The following ANKRD30BL variants were observed in gnomAD, a reference collection of about 807,000 sequenced individuals.
ANKRD30BL encodes putative ankyrin repeat domain-containing protein 30B-like.
A neutral mutation model predicts 18.4 loss-of-function variants in ANKRD30BL; 20 were observed. The observed-to-expected ratio is 1.09, with a 90% confidence interval of 0.77 to 1.58. The LOEUF is 1.58. Among genes scored for constraint, ANKRD30BL ranks in the 40% most tolerant of loss-of-function variants. The pLI is 0.00. For synonymous variants in ANKRD30BL, 72 were observed against 100.9 expected (o/e 0.71, Z 1.72); for missense variants, 224 against 268.6 (o/e 0.83, Z 1.16).
chr2:132,227,406 C>A (rs1679875964), intron 1 of ANKRD30BL, among the ~76,000 whole-genome samples: 1 of 152,000 alleles, frequency 6.6e-6, no homozygotes, highest in Non-Finnish European at 1.5e-5. Flanking sequence ...GAAGCATTCT[C>A]AGAAACTTCT....
rs1306986319 is a variant in ANKRD30BL, at chr2:132,237,606, A to G, written n.441+19923T>C. On this transcript the variant is annotated intron_variant and non_coding_transcript_variant, in intron 1 of 4. Coordinates refer to the ANKRD30BL transcript ENST00000470729. ...GACAGCTTTGAGGCCTTCGCTGGAA[A>G]CGGGTATGTCTTCACATAAAAACTA... Among the ~76,000 whole-genome samples the G allele has an allele frequency of 2.8e-4, 43 of 152,082 alleles. 1 individual carries two copies. Among genetic ancestry groups the G allele is most frequent in the Non-Finnish European group, 1.5e-5 (1 of 68,032 alleles).
chr2:132,195,735 G>A (rs1193554173), intron 1 of ANKRD30BL, among the ~76,000 whole-genome samples: 2 of 142,768 alleles, frequency 1.4e-5, no homozygotes, highest in African/African-American at 2.6e-5. Flanking sequence ...ACTTTGTAGT[G>A]AGCCAAGATG....
At chr2:132,171,931 G>A (rs1688291070) in intron 1 of ANKRD30BL, among the ~76,000 whole-genome samples, 1 of 152,174 alleles carries the variant, frequency 6.6e-6, no homozygotes, top group East Asian at 1.9e-4. Flanking sequence ...TCTATGATTT[G>A]CTTATTCTAA....
At chr2:132,221,333 C>A (rs1242161211) in intron 1 of ANKRD30BL, among the ~76,000 whole-genome samples, 3 of 147,258 alleles carry the variant, frequency 2.0e-5, no homozygotes, top group African/African-American at 5.2e-5. Context: ...GGGGTCAGCC[C>A]CCCGCCCGGC....
intron 1 of ANKRD30BL, among the ~76,000 whole-genome samples, chr2:132,224,353 T>C (rs1238433406): frequency 1.3e-5 from 2 of 152,144 alleles, no homozygotes; most frequent in African/African-American, 2.4e-5. Flanking sequence ...CTTTGTGATG[T>C]TCGCATTCCA....
intron 1 of ANKRD30BL, among the ~76,000 whole-genome samples, chr2:132,203,737 G>C (rs1037717976): frequency 6.6e-6 from 1 of 151,888 alleles, no homozygotes; most frequent in African/African-American, 2.4e-5. Flanking sequence ...TAAAAATAAA[G>C]GAAAACCGAT....
At chr2:132,223,932 C>T (rs963043232) in intron 1 of ANKRD30BL, among the ~76,000 whole-genome samples, 1 of 152,166 alleles carries the variant, frequency 6.6e-6, no homozygotes, top group African/African-American at 2.4e-5. Context: ...ATTTGGAACG[C>T]TTTGAGGCCT....
intron 1 of ANKRD30BL, among the ~76,000 whole-genome samples, chr2:132,221,231 G>T (rs1467338107): frequency 4.8e-5 from 7 of 146,372 alleles, no homozygotes; most frequent in East Asian, 4.1e-4. Context: ...CGCCCCGTCC[G>T]GGAGGTGAGG....
intron 1 of ANKRD30BL, among the ~76,000 whole-genome samples, chr2:132,212,684 G>A (rs555877863): frequency 1.3e-5 from 2 of 151,884 alleles, no homozygotes; most frequent in African/African-American, 4.8e-5. Context: ...TCTTTGTGAT[G>A]GGTGCATTCA....
At chr2:132,249,648 C>A (rs1481336114) in intron 1 of ANKRD30BL, among the ~76,000 whole-genome samples, 1 of 152,100 alleles carries the variant, frequency 6.6e-6, no homozygotes, top group Non-Finnish European at 1.5e-5. Context: ...GAAGATATTT[C>A]CTTTTTCACC....
At chr2:132,242,367 T>C (rs1175724093) in intron 1 of ANKRD30BL, among the ~76,000 whole-genome samples, 1 of 151,428 alleles carries the variant, frequency 6.6e-6, no homozygotes, top group African/African-American at 2.4e-5. Context: ...AACGGGAATA[T>C]CTTCAAATAA....
chr2:132,254,872 T>C (rs1680778388), intron 1 of ANKRD30BL, among the ~76,000 whole-genome samples: 1 of 152,194 alleles, frequency 6.6e-6, no homozygotes. Flanking sequence ...ACTAAGGCCA[T>C]GCACCACCAC....
intron 1 of ANKRD30BL, among the ~76,000 whole-genome samples, chr2:132,237,102 A>C (rs1680170222): frequency 6.6e-6 from 1 of 151,324 alleles, no homozygotes; most frequent in Non-Finnish European, 1.5e-5. Context: ...AGGAAGGGGA[A>C]CATCATACTC....
chr2:132,240,896 C>T (rs1488806425), intron 1 of ANKRD30BL, among the ~76,000 whole-genome samples: 3 of 151,932 alleles, frequency 2.0e-5, no homozygotes. Context: ...ACTCAACTGT[C>T]AGAATTGAAC....
intron 1 of ANKRD30BL, among the ~76,000 whole-genome samples, chr2:132,204,962 T>G (rs975185176): frequency 6.6e-6 from 1 of 151,884 alleles, no homozygotes; most frequent in African/African-American, 2.4e-5. Context: ...AAATCAAACA[T>G]CAAAGGAAAT....
At chr2:132,213,248 A>G (rs2104760181) in intron 1 of ANKRD30BL, among the ~76,000 whole-genome samples, 1 of 151,844 alleles carries the variant, frequency 6.6e-6, no homozygotes, top group South Asian at 2.1e-4. Flanking sequence ...CAGCTTTGAA[A>G]CACTCTGCAA....
intron 1 of ANKRD30BL, among the ~76,000 whole-genome samples, chr2:132,228,997 A>G (rs1472483604): frequency 1.3e-5 from 2 of 152,148 alleles, no homozygotes; most frequent in African/African-American, 2.4e-5. Context: ...GTGTGCATTC[A>G]TCTAACGGAT....
intron 1 of ANKRD30BL, among the ~76,000 whole-genome samples, chr2:132,254,461 C>T (rs111573516): frequency 6.7e-6 from 1 of 150,370 alleles, no homozygotes; most frequent in African/African-American, 2.4e-5. Context: ...GCTGACCCAG[C>T]GGGCTGATCC....
intron 1 of ANKRD30BL, among the ~76,000 whole-genome samples, chr2:132,211,644 C>A (rs548964818): frequency 4.7e-4 from 72 of 151,948 alleles, no homozygotes; most frequent in African/African-American, 1.6e-3. Context: ...TTGAACTTTA[C>A]TTTTGATTGA....
Sources: allele counts gnomAD v4.1 joint callset (sites outside exome capture counted in the v4.1 genomes callset), GRCh38; gene constraint gnomAD v4.1.1; transcripts MANE v1.5; gene names NCBI Gene and HGNC (gene_info 2026-07-23, HGNC 2026-07-21).